PCCA: variants seen among roughly 807,000 people sequenced by gnomAD.
PCCA encodes propionyl-CoA carboxylase subunit alpha.
Under a neutral mutation model 101.3 loss-of-function variants are expected in PCCA, and 74 were observed. The ratio of observed to expected loss-of-function variants is 0.73; its 90% CI spans 0.61 to 0.89. The LOEUF is 0.89. Among genes scored for constraint, PCCA ranks in the 40% least tolerant of loss-of-function variants. PCCA has a pLI of 0.00. For missense variants in PCCA, 891 were observed against 907.0 expected (o/e 0.98, Z 0.23); for synonymous variants, 294 against 313.6 (o/e 0.94, Z 0.66).
chr13:100,393,222 C>T (rs942384547), intron 19 of PCCA, among the ~76,000 whole-genome samples: 12 of 152,124 alleles, frequency 7.9e-5, no homozygotes, highest in Admixed American at 7.2e-4. Flanking sequence ...TAACCAATGA[C>T]AGGCAGAAAA....
rs1024927947 is a variant in PCCA at position 100,255,088 on chromosome 13, A to T, written c.638-2507A>T. Among the ~76,000 whole-genome samples, 4 of 152,020 alleles carry T rather than the reference A, an allele frequency of 2.6e-5. No individual in the cohort carries two copies. The South Asian group carries it at 8.3e-4, about 32-fold the overall frequency. On this transcript the variant is annotated intron_variant, in intron 8 of 23. Transcript: ENST00000376285. ...TGACAGAGCGAGACCAAAAACAAAAAAGCTAGTCTAACTTGCATCAGTTTC... is the reference window on the plus strand; with the variant it reads ...TGACAGAGCGAGACCAAAAACAAAATAGCTAGTCTAACTTGCATCAGTTTC...
chr13:100,496,296 T>G (rs1346934738), intron 21 of PCCA, among the ~76,000 whole-genome samples: 1 of 152,224 alleles, frequency 6.6e-6, no homozygotes, highest in Non-Finnish European at 1.5e-5. Flanking sequence ...TGGCCCAGGA[T>G]CCGCTCAGAG....
At chr13:100,509,540 G>A (rs999636559) in intron 21 of PCCA, among the ~76,000 whole-genome samples, 1 of 152,168 alleles carries the variant, frequency 6.6e-6, no homozygotes, top group Non-Finnish European at 1.5e-5. Flanking sequence ...CATTTTAAAA[G>A]GGAAGAGTAA....
At chr13:100,154,855 A>G (rs1387280558) in intron 4 of PCCA, 124 bp from the exon 5 acceptor site, 6 of 752,926 alleles carry the variant, frequency 8.0e-6, no homozygotes. Flanking sequence ...TGCATACTCA[A>G]AAAGAAATAC....
chr13:100,186,513 G>T (rs1476658629), intron 6 of PCCA, among the ~76,000 whole-genome samples: 1 of 152,038 alleles, frequency 6.6e-6, no homozygotes, highest in Non-Finnish European at 1.5e-5. Context: ...AGGTTGAGGT[G>T]GGTGGATCAC....
rs535615947 is a variant in PCCA, at chr13:100,320,666, G to C, written c.1430-9895G>C. On this transcript the variant is annotated intron_variant, in intron 16 of 23. Coordinates refer to ENST00000376285, the MANE Select transcript of PCCA (RefSeq NM_000282.4). ...ATGTTGAACCAGCCTTGCATCCCAG[G>C]GATGAAGCCCACTTGATCATGGTGG... 5.3e-3 allele frequency among the ~76,000 whole-genome samples: 808 copies of C among 152,238 alleles called. 6 individuals carry two copies. The highest frequency in any genetic ancestry group is 0.019 in the African/African-American group (780 of 41,534).
intron 19 of PCCA, among the ~76,000 whole-genome samples, chr13:100,416,646 G>A (rs555307331): frequency 1.3e-4 from 19 of 150,682 alleles, no homozygotes; most frequent in Non-Finnish European, 2.4e-4. Context: ...GACCTCAGCC[G>A]CCTGAGTAAC....
chr13:100,166,567 G>A (rs1306881009), intron 6 of PCCA, among the ~76,000 whole-genome samples: 1 of 152,130 alleles, frequency 6.6e-6, no homozygotes, highest in Non-Finnish European at 1.5e-5. Flanking sequence ...CCAAAGTGCT[G>A]GGATTACAGG....
chr13:100,267,521 A>G (rs1467548493), intron 10 of PCCA, among the ~76,000 whole-genome samples: 1 of 152,242 alleles, frequency 6.6e-6, no homozygotes, highest in East Asian at 1.9e-4. Flanking sequence ...GCTATTTATA[A>G]TGCACAAAGA....
intron 6 of PCCA, among the ~76,000 whole-genome samples, chr13:100,201,199 A>C (rs34453394): frequency 2.0e-5 from 3 of 152,148 alleles, no homozygotes; most frequent in African/African-American, 7.2e-5. Flanking sequence ...GGTTTTATAT[A>C]TATATCTCCT....
chr13:100,450,590 CAG>C (rs759484024), intron 21 of PCCA, among the ~76,000 whole-genome samples: 1 of 151,978 alleles, frequency 6.6e-6, no homozygotes, highest in Non-Finnish European at 1.5e-5. Context: ...TTAAGAATAT[CAG>C]AGGTATTCTG....
At chr13:100,195,331 ATTG>A (rs1290832913) in intron 6 of PCCA, among the ~76,000 whole-genome samples, 3 of 152,196 alleles carry the variant, frequency 2.0e-5, no homozygotes, top group Admixed American at 6.5e-5. Context: ...TTAAAGCATT[ATTG>A]TTATTATTAT....
At chr13:100,391,522 A>G (rs906078999) in intron 19 of PCCA, among the ~76,000 whole-genome samples, 1 of 152,178 alleles carries the variant, frequency 6.6e-6, no homozygotes, top group Non-Finnish European at 1.5e-5. Flanking sequence ...TTGATGGGGT[A>G]TCAATCCATG....
chr13:100,314,270 G>C (rs563558793), intron 16 of PCCA, among the ~76,000 whole-genome samples: 106 of 152,256 alleles, frequency 7.0e-4, no homozygotes, highest in African/African-American at 2.5e-3. Flanking sequence ...CACAGGGCAA[G>C]GTGTTAGGAA....
At chr13:100,202,283 A>G (rs754159533) in intron 6 of PCCA, among the ~76,000 whole-genome samples, 2 of 152,062 alleles carry the variant, frequency 1.3e-5, no homozygotes, top group Admixed American at 6.6e-5. Context: ...GCAGTGAACT[A>G]TAATGGCACC....
intron 19 of PCCA, among the ~76,000 whole-genome samples, chr13:100,410,477 G>A (rs913027434): frequency 1.3e-5 from 2 of 152,004 alleles, no homozygotes; most frequent in Non-Finnish European, 2.9e-5. Flanking sequence ...ACTTGACCTC[G>A]TGATCCACCT....
intron 7 of PCCA, among the ~76,000 whole-genome samples, chr13:100,225,561 G>A (rs2060098227): frequency 6.6e-6 from 1 of 152,062 alleles, no homozygotes; most frequent in Non-Finnish European, 1.5e-5. Flanking sequence ...TAGTGTGAAG[G>A]AAATCATTTA....
intron 21 of PCCA, among the ~76,000 whole-genome samples, chr13:100,485,303 C>G (rs1358938202): frequency 6.6e-6 from 1 of 152,206 alleles, no homozygotes; most frequent in Non-Finnish European, 1.5e-5. Flanking sequence ...TATTTTGCCT[C>G]TTTGAGTGTT....
Position 100,175,149 on chromosome 13 carries a change from T to C in PCCA, c.468+17809T>C, listed in dbSNP as rs1157643790. On this transcript the variant is annotated intron_variant, in intron 6 of 23. Transcript: ENST00000376285. ...AATTGGTTATTATGATTTATTTTTTTCTTGACAAGCTTCTGAGCTTTGTTC... is the reference window on the plus strand; with the variant it reads ...AATTGGTTATTATGATTTATTTTTTCCTTGACAAGCTTCTGAGCTTTGTTC... Among the ~76,000 whole-genome samples, 3 of 152,214 alleles carry C rather than the reference T, an allele frequency of 2.0e-5. No homozygotes were observed. The East Asian group carries it at 5.8e-4, about 29-fold the overall frequency.
Sources: gnomAD v4.1 joint callset for allele counts (sites outside exome capture counted in the v4.1 genomes callset) on GRCh38, gnomAD v4.1.1 for gene constraint, MANE v1.5 for transcripts, NCBI Gene and HGNC (gene_info 2026-07-23, HGNC 2026-07-21) for gene names.